GRIK1: variants seen among roughly 807,000 people sequenced by gnomAD.
GRIK1 encodes the protein glutamate receptor ionotropic, kainate 1.
Under a neutral mutation model 105.7 loss-of-function variants are expected in GRIK1, and 69 were observed. That is an observed-to-expected ratio of 0.65 (90% confidence interval 0.54 to 0.80). GRIK1 has a LOEUF of 0.80. Ranked by LOEUF, GRIK1 falls within the 30% of genes least tolerant of loss-of-function variation. The probability of loss-of-function intolerance (pLI) is 0.00; values close to 1 mark genes in which losing one functional copy is unlikely to be tolerated. For missense variants in GRIK1, 1,109 were observed against 1,167.3 expected (o/e 0.95, Z 0.73); for synonymous variants, 438 against 431.3 (o/e 1.02, Z -0.19).
chr21:29,905,619 A>ATTTTTTTTTT (rs869179451), intron 1 of GRIK1, among the ~76,000 whole-genome samples: 5 of 72,582 alleles, frequency 6.9e-5, no homozygotes, highest in East Asian at 4.4e-4. Context: ...CAAATTTTGT[A>ATTTTTTTTTT]TTTTTTTTTT....
intron 1 of GRIK1, among the ~76,000 whole-genome samples, chr21:29,736,325 G>T (rs948106505): frequency 9.9e-5 from 15 of 151,962 alleles, no homozygotes; most frequent in African/African-American, 3.6e-4. Context: ...GACTCAACTG[G>T]ACTCAACTGA....
chr21:29,697,928 CTCTTTCTT>C (rs139206707), intron 1 of GRIK1, among the ~76,000 whole-genome samples: 42 of 145,864 alleles, frequency 2.9e-4, no homozygotes, highest in African/African-American at 1.0e-3. Flanking sequence ...CTCTCTCTCT[CTCTTTCTT>C]TCTTTCTTTC....
At chr21:29,845,357 A>G (rs1261890914) in intron 1 of GRIK1, among the ~76,000 whole-genome samples, 1 of 152,072 alleles carries the variant, frequency 6.6e-6, no homozygotes, top group African/African-American at 2.4e-5. Flanking sequence ...TACCATATTT[A>G]TGGTCATTTG....
chr21:29,829,448 A>G (rs1030735643), intron 1 of GRIK1, among the ~76,000 whole-genome samples: 1 of 152,116 alleles, frequency 6.6e-6, no homozygotes, highest in African/African-American at 2.4e-5. Flanking sequence ...AATGTGTTAT[A>G]CTCCGTGGAT....
intron 1 of GRIK1, among the ~76,000 whole-genome samples, chr21:29,775,482 A>G (rs898958114): frequency 6.6e-6 from 1 of 152,094 alleles, no homozygotes; most frequent in Non-Finnish European, 1.5e-5. Context: ...AAGAGCAGCA[A>G]CCAGCCTGGA....
intron 1 of GRIK1, among the ~76,000 whole-genome samples, chr21:29,779,711 A>T (rs1232791492): frequency 1.3e-5 from 2 of 152,182 alleles, no homozygotes; most frequent in Non-Finnish European, 2.9e-5. Flanking sequence ...TTAGGGAATC[A>T]ATGGCTGAGC....
chr21:29,642,752 G>GGGA, intron 7 of GRIK1, 74 bp downstream of exon 7: 1 of 1,321,256 alleles, frequency 7.6e-7, no homozygotes, highest in Admixed American at 1.7e-5. Flanking sequence ...GAACCCTGTG[G>GGGA]GGAGGACCAT....
intron 1 of GRIK1, among the ~76,000 whole-genome samples, chr21:29,904,300 T>C (rs1396017882): frequency 1.3e-5 from 2 of 148,738 alleles, no homozygotes; most frequent in African/African-American, 5.1e-5. Flanking sequence ...ACTCAAAATA[T>C]TGTGGACACT....
intron 1 of GRIK1, among the ~76,000 whole-genome samples, chr21:29,899,213 A>T (rs1484694041): frequency 1.3e-5 from 2 of 152,216 alleles, no homozygotes; most frequent in African/African-American, 4.8e-5. Context: ...TAAATTTGTG[A>T]TTAGGTCTGA....
chr21:29,560,303 CTTTCTTTCTTT>C (rs2090368182), intron 15 of GRIK1, among the ~76,000 whole-genome samples: 2 of 105,294 alleles, frequency 1.9e-5, no homozygotes, highest in African/African-American at 8.6e-5. Context: ...TTCTTTCTTT[CTTTCTTTCTTT>C]CTTTCTTTCT....
chr21:29,785,434 T>A (rs1020826754), intron 1 of GRIK1, among the ~76,000 whole-genome samples: 1 of 151,844 alleles, frequency 6.6e-6, no homozygotes, highest in Non-Finnish European at 1.5e-5. Context: ...CATGGTGGTG[T>A]GAGCCTGTAA....
intron 6 of GRIK1, among the ~76,000 whole-genome samples, chr21:29,649,504 C>A (rs984930933): frequency 2.6e-5 from 4 of 152,158 alleles, no homozygotes; most frequent in Non-Finnish European, 5.9e-5. Flanking sequence ...TGGGACTCAA[C>A]CTTATCACAC....
rs59241719 is a variant in GRIK1, at chr21:29,888,197, C to CTTTCTTTCTTTCTTTCTT, written c.118+51185_118+51186insAAGAAAGAAAGAAAGAAA. ...TCTTTCTTTCTTCCTTTCTTTCTTT[C>CTTTCTTTCTTTCTTTCTT]TCTCTCTCTCTCTCTCTCTCTCTCT... On this transcript the variant is annotated intron_variant, in intron 1 of 17. Coordinates refer to ENST00000327783, the MANE Select transcript of GRIK1 (RefSeq NM_001330994.2). 2.9e-3 allele frequency among the ~76,000 whole-genome samples: 64 copies of CTTTCTTTCTTTCTTTCTT among 22,310 alleles called. 1 individual carries two copies. The highest frequency in any genetic ancestry group is 0.022 in the Middle Eastern group (1 of 46). 14.6% of individuals were successfully genotyped at this position (22,310 alleles called of 152,430 possible).
intron 1 of GRIK1, among the ~76,000 whole-genome samples, chr21:29,743,556 G>A (rs1270858440): frequency 3.9e-5 from 6 of 151,982 alleles, no homozygotes; most frequent in African/African-American, 7.2e-5. Context: ...TTAGCTGGGC[G>A]TGGTAGCATG....
chr21:29,852,092 A>G (rs979565492), intron 1 of GRIK1, among the ~76,000 whole-genome samples: 9 of 151,902 alleles, frequency 5.9e-5, no homozygotes, highest in African/African-American at 1.7e-4. Context: ...TCCCATTGTC[A>G]GCACTAAGTT....
Position 29,693,887 on chromosome 21 carries a change from A to G in GRIK1, c.286+9T>C. 6.2e-7 allele frequency: 1 copy of G among 1,603,674 alleles called. No homozygotes were observed. The highest frequency in any genetic ancestry group is 1.1e-5 in the South Asian group (1 of 90,086). Reference sequence around the variant, plus strand: ...CCAAAGAAGCTTTTAAAAGTGGGAAAATAGTTACCTCTCCGCGAGGCTTCA... The same window carrying G: ...CCAAAGAAGCTTTTAAAAGTGGGAAGATAGTTACCTCTCCGCGAGGCTTCA... On this transcript the variant is annotated intron_variant, in intron 2 of 17. Transcript: ENST00000327783.
intron 7 of GRIK1, among the ~76,000 whole-genome samples, chr21:29,630,125 T>C (rs1445017916): frequency 1.3e-5 from 2 of 152,182 alleles, no homozygotes; most frequent in African/African-American, 4.8e-5. Context: ...GAAAAGGTAG[T>C]ATTCTAGACG....
At chr21:29,633,066 C>CT (rs2062316940) in intron 7 of GRIK1, among the ~76,000 whole-genome samples, 2 of 152,180 alleles carry the variant, frequency 1.3e-5, no homozygotes, top group African/African-American at 4.8e-5. Flanking sequence ...CGTTAGGAAT[C>CT]TTATAAAGGG....
intron 7 of GRIK1, among the ~76,000 whole-genome samples, chr21:29,609,968 A>G (rs900863837): frequency 2.0e-5 from 3 of 152,180 alleles, no homozygotes; most frequent in African/African-American, 7.2e-5. Flanking sequence ...TACAGATCTT[A>G]TTTAATCAGG....
Sources: gnomAD v4.1 joint callset for allele counts (sites outside exome capture counted in the v4.1 genomes callset) on GRCh38, gnomAD v4.1.1 for gene constraint, MANE v1.5 for transcripts, NCBI Gene and HGNC (gene_info 2026-07-23, HGNC 2026-07-21) for gene names.